Variants in EFHC2 observed in about 807,000 individuals in gnomAD.
EFHC2 encodes the protein EF-hand domain containing 2, also known as EF-hand domain-containing family member C2.
In EFHC2, 18 loss-of-function variants were observed where a neutral mutation model predicts 52.7. The ratio of observed to expected loss-of-function variants is 0.34; its 90% CI spans 0.24 to 0.51. The LOEUF is 0.51. EFHC2 is among the 20% of genes least tolerant of loss of function. The pLI is 0.97. For synonymous variants in EFHC2, 203 were observed against 204.1 expected, an observed-to-expected ratio of 0.99 and a Z score of 0.04; for missense variants, 513 against 562.5, an observed-to-expected ratio of 0.91 and a Z score of 0.89.
Position 44,242,271 on chromosome X carries a change from G to A in EFHC2, c.1130C>T (p.Ser377Leu), listed in dbSNP as rs749315208. Residue 377 changes from serine (S) to leucine (L), a missense_variant, in exon 8 of 15, where the codon TCA (serine) becomes TTA (leucine). By Grantham distance (145) the Ser-to-Leu change is moderately radical. Coordinates refer to ENST00000420999, the MANE Select transcript of EFHC2 (RefSeq NM_025184.4). ...TGGAGGAGGAGAAGGAGGCTTGCAT[G>A]AAACTGAGGTAAAGTTCTCTAGAAC... ...KYGIENFTSV[S>L]CKPPSPPPKI... is the part of the protein sequence containing the mutation. 1.1e-5 allele frequency: 13 copies of A among 1,205,509 alleles called. No individual in the cohort carries two copies. The highest frequency in any genetic ancestry group is 1.3e-5 in the Non-Finnish European group (12 of 893,523).
rs776841170 is a variant in EFHC2 at position 44,261,094 on chromosome X, T to A, written c.587A>T (p.Tyr196Phe). The change falls in exon 4 of 15, where the codon TAC (tyrosine) becomes TTC (phenylalanine). Residue 196 changes from tyrosine to phenylalanine, a missense_variant. Physicochemically the swap from Tyr to Phe is conservative, Grantham distance 22 (BLOSUM62 3). Transcript: ENST00000420999. ...CCTTACCTCTCTCCGAATCTTCATG[T>A]AAGGATCTTCTGGACATTGCACTGG... is the stretch of plus-strand genomic sequence containing the variant. Reference protein sequence around the residue: ...NPPVQCPEDPYMKIRREVVEH... With the variant: ...NPPVQCPEDPFMKIRREVVEH... The A allele has an allele frequency of 3.3e-6, 4 of 1,208,632 alleles. No homozygotes were observed. In the South Asian group the frequency reaches 5.3e-5, roughly 16 times the overall value.
chrX:44,268,587 A>C (rs2037594431), intron 3 of EFHC2, among the ~76,000 whole-genome samples: 1 of 112,062 alleles, frequency 8.9e-6, no homozygotes, highest in Non-Finnish European at 1.9e-5. Flanking sequence ...GAAAATAAGC[A>C]GAGCTTAGTG....
At chrX:44,218,423 ACT>A (rs1274819171) in intron 11 of EFHC2, among the ~76,000 whole-genome samples, 1 of 110,753 alleles carries the variant, frequency 9.0e-6, no homozygotes, top group Non-Finnish European at 1.9e-5. Context: ...AATTATGAAA[ACT>A]CTTCCATTTC....
At chrX:44,281,926 G>A (rs1190491874) in intron 2 of EFHC2, among the ~76,000 whole-genome samples, 1 of 111,495 alleles carries the variant, frequency 9.0e-6, no homozygotes, top group Non-Finnish European at 1.9e-5. Flanking sequence ...GTTTATGTGT[G>A]TGTTTCTCCT....
At chrX:44,186,372 G>A (rs2036874303) in intron 11 of EFHC2, among the ~76,000 whole-genome samples, 1 of 111,895 alleles carries the variant, frequency 8.9e-6, no homozygotes, top group Admixed American at 9.5e-5. Flanking sequence ...AACATTTTTG[G>A]TAACTGGTAA....
intron 2 of EFHC2, among the ~76,000 whole-genome samples, chrX:44,276,895 G>A (rs925118927): frequency 5.4e-5 from 6 of 111,790 alleles, no homozygotes; most frequent in African/African-American, 2.0e-4. Context: ...TTTTAAAGAT[G>A]GGGAGGCTGA....
intron 4 of EFHC2, among the ~76,000 whole-genome samples, chrX:44,253,234 GT>G (rs35489014): frequency 0.1 from 10,255 of 102,976 alleles, 516 homozygotes; most frequent in Admixed American, 0.24. Context: ...GCTAGCTGCA[GT>G]TTTTTTTTTT....
chrX:44,251,238 CAAAAAAAAAAAAAA>C (rs746850685), intron 4 of EFHC2, among the ~76,000 whole-genome samples: 7 of 18,308 alleles, frequency 3.8e-4, no homozygotes, highest in Non-Finnish European at 2.2e-4. Context: ...GACTCCATCT[CAAAAAAAAAAAAAA>C]AAAAAAAAAA....
chrX:44,191,322 G>A (rs902102173), intron 11 of EFHC2, among the ~76,000 whole-genome samples: 4 of 110,258 alleles, frequency 3.6e-5, no homozygotes, highest in African/African-American at 9.9e-5. Context: ...TGTAACCTCC[G>A]CCTCCCGGGT....
intron 1 of EFHC2, among the ~76,000 whole-genome samples, chrX:44,333,221 G>T (rs187828154): frequency 9.0e-6 from 1 of 111,368 alleles, no homozygotes; most frequent in Non-Finnish European, 1.9e-5. Flanking sequence ...GAAATAAGGC[G>T]GTAAATGGGC....
chrX:44,225,660 T>C (rs917954156), intron 11 of EFHC2: 1 of 112,402 alleles, frequency 8.9e-6, no homozygotes, highest in Admixed American at 9.4e-5. Context: ...AAAGAGAACA[T>C]TTTACAAGAA....
chrX:44,166,979 A>G (rs1203982475), intron 13 of EFHC2, among the ~76,000 whole-genome samples: 3 of 111,824 alleles, frequency 2.7e-5, no homozygotes, highest in Non-Finnish European at 1.9e-5. Context: ...ATCCTCCACC[A>G]CAGTGCTCTT....
At chrX:44,328,609 G>A (rs2038066543) in intron 1 of EFHC2, among the ~76,000 whole-genome samples, 1 of 112,142 alleles carries the variant, frequency 8.9e-6, no homozygotes, top group Admixed American at 9.5e-5. Flanking sequence ...CATGGCAGAT[G>A]GAAAATTGAA....
intron 3 of EFHC2, among the ~76,000 whole-genome samples, chrX:44,262,512 CAAAAA>C (rs749239313): frequency 3.4e-5 from 1 of 29,211 alleles, no homozygotes; most frequent in East Asian, 1.4e-3. Flanking sequence ...AGCCCTGTCT[CAAAAA>C]AAAAAAAAAA....
intron 7 of EFHC2, among the ~76,000 whole-genome samples, chrX:44,243,821 G>A (rs1047663779): frequency 1.8e-5 from 2 of 111,923 alleles, no homozygotes; most frequent in African/African-American, 6.5e-5. Flanking sequence ...AAATAAAGAG[G>A]AGAGTTCAAA....
intron 11 of EFHC2, among the ~76,000 whole-genome samples, chrX:44,198,491 C>A (rs1038075889): frequency 8.1e-5 from 9 of 111,318 alleles, no homozygotes; most frequent in Non-Finnish European, 1.7e-4. Flanking sequence ...CAGTATTTTC[C>A]CCAGTGTAAT....
intron 2 of EFHC2, among the ~76,000 whole-genome samples, chrX:44,291,914 T>C (rs1222215220): frequency 4.5e-5 from 5 of 111,952 alleles, no homozygotes. Flanking sequence ...GCGCAAGCAA[T>C]TAAAAAACAC....
intron 11 of EFHC2, among the ~76,000 whole-genome samples, chrX:44,214,679 G>A (rs2037130066): frequency 8.9e-6 from 1 of 112,378 alleles, no homozygotes; most frequent in Non-Finnish European, 1.9e-5. Flanking sequence ...GAAAGATAGT[G>A]CATTAGAGAA....
At chrX:44,188,281 C>A (rs1197080607) in intron 11 of EFHC2, among the ~76,000 whole-genome samples, 1 of 111,113 alleles carries the variant, frequency 9.0e-6, no homozygotes, top group Non-Finnish European at 1.9e-5. Context: ...CCACGCCTGG[C>A]CATAAAAAGT....
Sources: gnomAD v4.1 joint callset for allele counts (sites outside exome capture counted in the v4.1 genomes callset) on GRCh38, gnomAD v4.1.1 for gene constraint, MANE v1.5 for transcripts, NCBI Gene and HGNC (gene_info 2026-07-23, HGNC 2026-07-21) for gene names.